The following ESR1 variants were observed in gnomAD, a reference collection of about 807,000 sequenced individuals.
The protein encoded by ESR1 is estrogen receptor.
Under a neutral mutation model 52.7 loss-of-function variants are expected in ESR1, and 12 were observed. The observed-to-expected ratio is 0.23, with a 90% CI of 0.15 to 0.37. The LOEUF (loss-of-function observed/expected upper bound fraction) is 0.37, where lower values mean the gene tolerates loss of function less well. Among genes scored for constraint, ESR1 ranks in the 10% least tolerant of loss-of-function variants. ESR1 has a pLI of 1.00. For missense variants in ESR1, 584 were observed against 779.7 expected, an observed-to-expected ratio of 0.75 and a Z score of 2.99; for synonymous variants, 305 against 316.8, an observed-to-expected ratio of 0.96 and a Z score of 0.39.
At chr6:151,716,291 G>A (rs1482033783) in intron 2 of ESR1, among the ~76,000 whole-genome samples, 1 of 152,178 alleles carries the variant, frequency 6.6e-6, no homozygotes, top group Non-Finnish European at 1.5e-5. Flanking sequence ...GTGTCTCCCA[G>A]TCAGGAGGCA....
chr6:152,124,589 T>C lies in ESR1; in HGVS notation c.851-677T>C, dbSNP rs143804455. On this transcript the variant is annotated intron_variant, in intron 6 of 6. Coordinates refer to the ESR1 transcript ENST00000427531. ...TTTGTCTTCTACTGATTTGTCAGTA[T>C]AAATAATCTCCCAAGAAGCCACAAG... Among the ~76,000 whole-genome samples, 3 of 152,282 alleles carry C rather than the reference T, an allele frequency of 2.0e-5. No homozygotes were observed. In the East Asian group the frequency reaches 5.8e-4, roughly 29 times the overall value.
chr6:151,665,375 T>C (rs1026931830), intron 1 of ESR1, among the ~76,000 whole-genome samples: 1 of 152,194 alleles, frequency 6.6e-6, no homozygotes, highest in African/African-American at 2.4e-5. Flanking sequence ...TCTAAATCAT[T>C]GTTAATTTCA....
At chr6:151,898,763 G>T (rs1795966586) in intron 3 of ESR1, among the ~76,000 whole-genome samples, 1 of 152,186 alleles carries the variant, frequency 6.6e-6, no homozygotes, top group African/African-American at 2.4e-5. Context: ...ATTTTTCTTA[G>T]TACAGAACAA....
Position 152,099,173 on chromosome 6 carries a change from A to G in ESR1, c.*207A>G. ...GTTGGGAACAGCCAAAGGGATTCCA[A>G]GGCTAAATCTTTGTAACAGCTCTCT... On this transcript the variant is annotated 3_prime_UTR_variant, in exon 8 of 8. Coordinates refer to ENST00000206249, the MANE Select transcript of ESR1 (RefSeq NM_000125.4). The G allele has an allele frequency of 1.7e-6, 1 of 603,834 alleles. No individual in the cohort carries two copies. The highest frequency in any genetic ancestry group is 3.0e-6 in the Non-Finnish European group (1 of 334,592). The allele number at this position is 603,834 out of a possible 1,614,324, so 37.4% of individuals were successfully genotyped here. A position where few individuals can be genotyped will look rare whatever the true frequency, so the allele number is the denominator to read the frequency against.
chr6:151,807,954 A>G lies in ESR1; in HGVS notation c.42A>G (p.Leu14=), dbSNP rs1778147684. 1.2e-6 allele frequency: 2 copies of G among 1,613,804 alleles called. No homozygotes were observed. The highest frequency in any genetic ancestry group is 2.2e-5 in the South Asian group (2 of 91,074). The stretch of plus-strand genomic sequence containing the variant: ...ACACCAAAGCATCTGGGATGGCCCT[A>G]CTGCATCAGATCCAAGGGAACGAGC... ...TLHTKASGMA[L]LHQIQGNELE... Residue 14 remains leucine, a synonymous_variant, in exon 1 of 8, where the codon CTA becomes CTG. Coordinates refer to ENST00000206249, the MANE Select transcript of ESR1 (RefSeq NM_000125.4).
chr6:151,906,773 C>T (rs1797520040), intron 3 of ESR1, among the ~76,000 whole-genome samples: 2 of 149,234 alleles, frequency 1.3e-5, no homozygotes, highest in African/African-American at 2.5e-5. Context: ...TGGAATTTAT[C>T]GTATTTTTTC....
intron 2 of ESR1, among the ~76,000 whole-genome samples, chr6:151,739,205 A>G (rs926124463): frequency 6.6e-6 from 1 of 152,202 alleles, no homozygotes; most frequent in Admixed American, 6.5e-5. Context: ...TCTTTAAAAT[A>G]GGGATAATGT....
chr6:151,892,967 TC>T (rs984134550), intron 3 of ESR1, among the ~76,000 whole-genome samples: 7 of 152,268 alleles, frequency 4.6e-5, no homozygotes, highest in African/African-American at 1.7e-4. Context: ...GCTGGGTGGA[TC>T]ACTTGAGATC....
At chr6:151,810,130 G>A (rs888811678) in intron 1 of ESR1, among the ~76,000 whole-genome samples, 3 of 152,096 alleles carry the variant, frequency 2.0e-5, no homozygotes, top group African/African-American at 7.2e-5. Context: ...AGTGAACCTG[G>A]TCAAATACAG....
chr6:152,113,774 C>T (rs1005616490), intron 6 of ESR1, among the ~76,000 whole-genome samples: 3 of 152,150 alleles, frequency 2.0e-5, no homozygotes, highest in Non-Finnish European at 2.9e-5. Context: ...CAGTCCTCAT[C>T]AACACATCCT....
intron 6 of ESR1, among the ~76,000 whole-genome samples, chr6:152,070,710 C>G (rs947222800): frequency 7.2e-6 from 1 of 138,950 alleles, no homozygotes; most frequent in Non-Finnish European, 1.5e-5. Context: ...CCATCTTGCC[C>G]TGCATGGCCT....
At chr6:151,974,733 C>A (rs2039263856) in intron 4 of ESR1, among the ~76,000 whole-genome samples, 4 of 152,158 alleles carry the variant, frequency 2.6e-5, no homozygotes, top group Admixed American at 2.6e-4. Flanking sequence ...ACATCTTAGT[C>A]TTTTTTTCCT....
chr6:152,123,119 C>T (rs998469839), intron 6 of ESR1, among the ~76,000 whole-genome samples: 1 of 152,104 alleles, frequency 6.6e-6, no homozygotes, highest in African/African-American at 2.4e-5. Context: ...ACCAAGTATC[C>T]CATCTAGCCA....
At chr6:152,037,274 TAACAA>T (rs962314828) in intron 5 of ESR1, among the ~76,000 whole-genome samples, 7 of 151,704 alleles carry the variant, frequency 4.6e-5, no homozygotes, top group Non-Finnish European at 1.0e-4. Context: ...GAAAAACAAA[TAACAA>T]AACAAAAACC....
chr6:152,047,315 G>T (rs973381581), intron 5 of ESR1, among the ~76,000 whole-genome samples: 2 of 151,992 alleles, frequency 1.3e-5, no homozygotes, highest in East Asian at 1.9e-4. Flanking sequence ...CTGAGTGAAT[G>T]ACTGAATTCC....
intron 1 of ESR1, among the ~76,000 whole-genome samples, chr6:151,816,327 G>A (rs899627054): frequency 1.5e-4 from 23 of 152,156 alleles, no homozygotes; most frequent in African/African-American, 5.3e-4. Context: ...GGAGCCAGCA[G>A]CTATATTTCT....
chr6:151,844,830 C>T lies in ESR1; in HGVS notation c.643+2043C>T, dbSNP rs1019767618. Among the ~76,000 whole-genome samples the T allele has an allele frequency of 4.0e-5, 6 of 151,806 alleles. No individual in the cohort carries two copies. The South Asian group carries it at 1.0e-3, about 26-fold the overall frequency. ...ATAAAAAAAAAGTGTAAGACATAAT[C>T]CATAATACCACAAAATTTAAAATGT... On this transcript the variant is annotated intron_variant, in intron 2 of 7. Coordinates refer to ENST00000206249, the MANE Select transcript of ESR1 (RefSeq NM_000125.4).
chr6:151,904,337 A>G (rs1197567226), intron 3 of ESR1, among the ~76,000 whole-genome samples: 3 of 152,252 alleles, frequency 2.0e-5, no homozygotes, highest in Non-Finnish European at 4.4e-5. Context: ...GGTATACACT[A>G]TCATAAGTAA....
At chr6:151,917,379 T>C (rs2030488989) in intron 3 of ESR1, among the ~76,000 whole-genome samples, 1 of 152,108 alleles carries the variant, frequency 6.6e-6, no homozygotes, top group South Asian at 2.1e-4. Flanking sequence ...GCAAGAAAAA[T>C]ATGTATTCCC....
Sources: allele counts gnomAD v4.1 joint callset (sites outside exome capture counted in the v4.1 genomes callset), GRCh38; gene constraint gnomAD v4.1.1; transcripts MANE v1.5; gene names NCBI Gene and HGNC (gene_info 2026-07-23, HGNC 2026-07-21).